OPCML: variants seen among roughly 807,000 people sequenced by gnomAD.
The protein encoded by OPCML is opioid binding protein/cell adhesion molecule like.
In OPCML, 13 loss-of-function variants were observed where a neutral mutation model predicts 37.8. That is an observed-to-expected ratio of 0.34 (90% CI 0.22 to 0.55). The LOEUF is 0.55. Ranked by LOEUF, OPCML falls within the 20% of genes least tolerant of loss-of-function variation. The probability of loss-of-function intolerance (pLI) is 0.91; values close to 1 mark genes in which losing one functional copy is unlikely to be tolerated. For synonymous variants in OPCML, 176 were observed against 168.8 expected (o/e 1.04, Z -0.33); for missense variants, 341 against 435.6 (o/e 0.78, Z 1.93).
chr11:133,418,014 G>A (rs1945805287), intron 1 of OPCML: 1 of 954,258 alleles, frequency 1.0e-6, no homozygotes, highest in Non-Finnish European at 1.2e-6. Flanking sequence ...AATTTCCTCT[G>A]ATGGAGAAGA....
chr11:133,420,537 T>A, intron 1 of OPCML: 2 of 982,714 alleles, frequency 2.0e-6, no homozygotes, highest in Non-Finnish European at 2.4e-6. Context: ...CTAATTTAGA[T>A]CCATCTGCAA....
At chr11:133,350,873 T>A (rs2136691660) in intron 1 of OPCML, among the ~76,000 whole-genome samples, 1 of 152,246 alleles carries the variant, frequency 6.6e-6, no homozygotes, top group East Asian at 1.9e-4. Flanking sequence ...CACAGCACTA[T>A]CTGGAAACTG....
At chr11:132,500,842 A>G (rs1257641786) in intron 4 of OPCML, among the ~76,000 whole-genome samples, 1 of 152,078 alleles carries the variant, frequency 6.6e-6, no homozygotes, top group Admixed American at 6.6e-5. Context: ...GATGAGAATG[A>G]TGGTTTCCAG....
chr11:133,324,621 G>A (rs2136629662), intron 1 of OPCML, among the ~76,000 whole-genome samples: 1 of 152,316 alleles, frequency 6.6e-6, no homozygotes, highest in Non-Finnish European at 1.5e-5. Flanking sequence ...CTCTCTGAGG[G>A]CAGTGGGACC....
chr11:132,801,173 G>A (rs1411879288), intron 2 of OPCML, among the ~76,000 whole-genome samples: 1 of 152,034 alleles, frequency 6.6e-6, no homozygotes, highest in Admixed American at 6.6e-5. Flanking sequence ...CTATTTTGTA[G>A]GCATACAGTT....
chr11:132,694,806 A>G (rs958366729), intron 2 of OPCML, among the ~76,000 whole-genome samples: 11 of 152,194 alleles, frequency 7.2e-5, no homozygotes, highest in Admixed American at 1.3e-4. Flanking sequence ...ACAGATACCT[A>G]TGCTGCAATT....
At chr11:132,736,800 T>C (rs575608265) in intron 2 of OPCML, among the ~76,000 whole-genome samples, 80 of 152,232 alleles carry the variant, frequency 5.3e-4, no homozygotes, top group African/African-American at 1.9e-3. Context: ...CATTGACATA[T>C]TGACTACAAC....
At chr11:132,950,082 C>T (rs1220684314) in intron 1 of OPCML, among the ~76,000 whole-genome samples, 1 of 152,170 alleles carries the variant, frequency 6.6e-6, no homozygotes, top group Admixed American at 6.5e-5. Flanking sequence ...AAGGTGCAGC[C>T]GCGCTGGGCC....
intron 1 of OPCML, among the ~76,000 whole-genome samples, chr11:133,276,404 A>G (rs1941996268): frequency 6.6e-6 from 1 of 152,150 alleles, no homozygotes; most frequent in African/African-American, 2.4e-5. Context: ...AGGAGTAGGC[A>G]GTGGGGTCAA....
At chr11:132,445,736 G>A (rs2096052927) in intron 4 of OPCML, among the ~76,000 whole-genome samples, 1 of 152,110 alleles carries the variant, frequency 6.6e-6, no homozygotes, top group Non-Finnish European at 1.5e-5. Context: ...ATTCAGGGTT[G>A]GTAAGTTGAG....
rs1276466419 is a variant in OPCML, at chr11:132,781,954, A to ATAT, written c.147-124636_147-124635insATA. On this transcript the variant is annotated intron_variant, in intron 2 of 7. Transcript: ENST00000524381. ...TATATATACATATATATATATATAT[A>ATAT]TTTTTTTTTTTTTTTTTTCTTGAGA... Among the ~76,000 whole-genome samples, 222 of 107,774 alleles carry ATAT rather than the reference A, an allele frequency of 2.1e-3. 1 individual carries two copies. The highest frequency in any genetic ancestry group is 6.9e-3 in the African/African-American group (198 of 28,786). The allele number at this position is 107,774 out of a possible 152,430, so 70.7% of individuals were successfully genotyped here.
chr11:133,372,886 T>A (rs910531664), intron 1 of OPCML, among the ~76,000 whole-genome samples: 7 of 152,356 alleles, frequency 4.6e-5, no homozygotes, highest in Non-Finnish European at 5.9e-5. Flanking sequence ...TAGATCTGCA[T>A]AAGTTATACA....
chr11:133,214,844 G>C (rs1030379860), intron 1 of OPCML, among the ~76,000 whole-genome samples: 3 of 152,146 alleles, frequency 2.0e-5, no homozygotes, highest in Middle Eastern at 6.8e-3. Context: ...CCATCCCTAC[G>C]AGCCAATAGA....
At chr11:132,935,083 G>A (rs1227690630) in intron 2 of OPCML, among the ~76,000 whole-genome samples, 2 of 150,800 alleles carry the variant, frequency 1.3e-5, no homozygotes, top group Non-Finnish European at 2.9e-5. Flanking sequence ...AGGTTGCGGT[G>A]AGCCAAGATC....
chr11:132,833,292 T>C (rs7928798), intron 2 of OPCML, among the ~76,000 whole-genome samples: 1 of 152,188 alleles, frequency 6.6e-6, no homozygotes, highest in Non-Finnish European at 1.5e-5. Context: ...TCTGTTTTGT[T>C]AAAAACTAAG....
At chr11:132,627,677 C>T (rs903138472) in intron 3 of OPCML, among the ~76,000 whole-genome samples, 3 of 152,164 alleles carry the variant, frequency 2.0e-5, no homozygotes, top group African/African-American at 7.2e-5. Context: ...AGTCATGAAG[C>T]AACATTCTCT....
chr11:133,176,801 AC>A (rs1449663032), intron 1 of OPCML, among the ~76,000 whole-genome samples: 1 of 152,224 alleles, frequency 6.6e-6, no homozygotes, highest in Admixed American at 6.5e-5. Flanking sequence ...CAATGCAAGA[AC>A]TGCCTAACGT....
At chr11:132,815,694 C>T (rs1939595051) in intron 2 of OPCML, among the ~76,000 whole-genome samples, 2 of 152,086 alleles carry the variant, frequency 1.3e-5, no homozygotes, top group African/African-American at 4.8e-5. Context: ...GGAGGGTCCC[C>T]AAAGGAGGAC....
intron 4 of OPCML, among the ~76,000 whole-genome samples, chr11:132,503,624 A>G (rs899779185): frequency 6.6e-6 from 1 of 152,204 alleles, no homozygotes; most frequent in East Asian, 1.9e-4. Context: ...TTTATTTATA[A>G]TATCTCAATA....
Sources: allele counts gnomAD v4.1 joint callset (sites outside exome capture counted in the v4.1 genomes callset), GRCh38; gene constraint gnomAD v4.1.1; transcripts MANE v1.5; gene names NCBI Gene and HGNC (gene_info 2026-07-23, HGNC 2026-07-21).